DPYD: variants seen among roughly 807,000 people sequenced by gnomAD.
DPYD encodes dihydropyrimidine dehydrogenase, also known as dihydropyrimidine dehydrogenase [NADP(+)].
DPYD carries 109 observed loss-of-function variants against 116.2 expected under a neutral mutation model. That is an observed-to-expected ratio of 0.94 (90% confidence interval 0.80 to 1.10). DPYD has a LOEUF of 1.10. Ranked by LOEUF, DPYD falls within the 50% of genes least tolerant of loss-of-function variation. DPYD has a pLI of 0.00. For missense variants in DPYD, 1,302 were observed against 1,254.5 expected (o/e 1.04, Z -0.57); for synonymous variants, 440 against 432.0 (o/e 1.02, Z -0.23).
intron 20 of DPYD, among the ~76,000 whole-genome samples, chr1:97,107,927 T>C (rs762728323): frequency 9.2e-5 from 14 of 152,074 alleles, no homozygotes; most frequent in Non-Finnish European, 1.3e-4. Flanking sequence ...AGGGAAAATG[T>C]TTCACACAGT....
intron 7 of DPYD, among the ~76,000 whole-genome samples, chr1:97,681,748 T>A (rs1660438149): frequency 6.6e-6 from 1 of 152,150 alleles, no homozygotes; most frequent in South Asian, 2.1e-4. Context: ...CTGTTTGTTT[T>A]ATGAATCAAA....
At chr1:97,876,701 A>G (rs72979780) in intron 2 of DPYD, among the ~76,000 whole-genome samples, 3,008 of 152,070 alleles carry the variant, frequency 0.02, 90 homozygotes, top group African/African-American at 0.065. Context: ...TAGGCAGAGA[A>G]GCCACTGGGT....
intron 8 of DPYD, among the ~76,000 whole-genome samples, chr1:97,606,455 G>C (rs1326300147): frequency 6.6e-6 from 1 of 151,962 alleles, no homozygotes; most frequent in Non-Finnish European, 1.5e-5. Flanking sequence ...ACATTCTAAA[G>C]CTGAGTCTTA....
chr1:97,847,748 T>G (rs1475743215), intron 2 of DPYD, among the ~76,000 whole-genome samples: 1 of 152,086 alleles, frequency 6.6e-6, no homozygotes, highest in African/African-American at 2.4e-5. Flanking sequence ...CTATATACAT[T>G]GTAGGGGTGG....
chr1:97,415,940 T>G (rs1674266760), intron 14 of DPYD, among the ~76,000 whole-genome samples: 1 of 152,202 alleles, frequency 6.6e-6, no homozygotes, highest in Non-Finnish European at 1.5e-5. Flanking sequence ...CTTATAAGTT[T>G]TATTTTCTCG....
chr1:97,477,782 G>A (rs1053109821), intron 13 of DPYD, among the ~76,000 whole-genome samples: 4 of 151,512 alleles, frequency 2.6e-5, no homozygotes, highest in Non-Finnish European at 5.9e-5. Flanking sequence ...CACCGCGCCC[G>A]GCTAATTTTT....
At position 97,207,149 on chromosome 1, in the gene DPYD, A is replaced by T. The variant is rs535029403; in HGVS notation, c.2443-13901T>A. On this transcript the variant is annotated intron_variant, in intron 19 of 22. Coordinates refer to ENST00000370192, the MANE Select transcript of DPYD (RefSeq NM_000110.4). ...GATGAATACATGAAGCAAAATAAAA[A>T]TATTGTAATAGTATCAGTCAGTGAC... Among the ~76,000 whole-genome samples the T allele has an allele frequency of 5.6e-4, 85 of 152,240 alleles. 1 individual carries two copies. The highest frequency in any genetic ancestry group is 2.0e-3 in the African/African-American group (82 of 41,560).
intron 18 of DPYD, among the ~76,000 whole-genome samples, chr1:97,247,387 C>A (rs552468067): frequency 5.9e-5 from 9 of 152,258 alleles, no homozygotes; most frequent in African/African-American, 2.2e-4. Context: ...ATCTGGCAAC[C>A]TCTCTTAACA....
intron 15 of DPYD, among the ~76,000 whole-genome samples, chr1:97,378,224 T>A (rs1295846180): frequency 6.6e-6 from 1 of 152,212 alleles, no homozygotes; most frequent in East Asian, 1.9e-4. Context: ...TGCGTGTCTA[T>A]CTCCTGTGAT....
At chr1:97,639,692 G>T (rs1007478406) in intron 8 of DPYD, among the ~76,000 whole-genome samples, 2 of 152,098 alleles carry the variant, frequency 1.3e-5, no homozygotes, top group African/African-American at 4.8e-5. Context: ...CGTTATAAGG[G>T]TGTGTGTATG....
chr1:97,545,149 C>T (rs1475620977), intron 12 of DPYD, among the ~76,000 whole-genome samples: 1 of 152,080 alleles, frequency 6.6e-6, no homozygotes. Context: ...TTGGTAAATA[C>T]AGCTATGTAC....
In DPYD at chr1:97,205,064, C is replaced by T. The variant is rs61208874; in HGVS notation, c.2443-11816G>A. 1.1e-3 allele frequency among the ~76,000 whole-genome samples: 174 copies of T among 152,108 alleles called. 1 individual carries two copies. The highest frequency in any genetic ancestry group is 4.0e-3 in the African/African-American group (165 of 41,504). On this transcript the variant is annotated intron_variant, in intron 19 of 22. Coordinates refer to ENST00000370192, the MANE Select transcript of DPYD (RefSeq NM_000110.4). ...GGCAGATAGTACATAGAGTTTCATACGCCCACACCACCCCCAAACTCGGCA... is the reference window on the plus strand; with the variant it reads ...GGCAGATAGTACATAGAGTTTCATATGCCCACACCACCCCCAAACTCGGCA...
intron 19 of DPYD, among the ~76,000 whole-genome samples, chr1:97,209,869 A>C (rs1659921130): frequency 6.6e-6 from 1 of 152,166 alleles, no homozygotes; most frequent in Non-Finnish European, 1.5e-5. Context: ...CGTCTTACAA[A>C]CACAGAATTG....
At chr1:97,524,721 C>T (rs542396793) in intron 12 of DPYD, among the ~76,000 whole-genome samples, 13 of 152,228 alleles carry the variant, frequency 8.5e-5, no homozygotes, top group African/African-American at 2.6e-4. Context: ...ATCAAACACC[C>T]CTAGGATGTT....
At chr1:97,265,345 G>C (rs1220359076) in intron 18 of DPYD, 1 of 151,968 alleles carries the variant, frequency 6.6e-6, no homozygotes, top group Non-Finnish European at 1.5e-5. Flanking sequence ...ACCTAGTTTT[G>C]CTATTTTCAT....
chr1:97,576,971 GA>G (rs972962870), intron 10 of DPYD, among the ~76,000 whole-genome samples: 9 of 152,066 alleles, frequency 5.9e-5, no homozygotes, highest in Non-Finnish European at 1.2e-4. Context: ...ATTGTTTAAA[GA>G]AAAAATAGTA....
chr1:97,862,525 C>T (rs1045599323), intron 2 of DPYD, among the ~76,000 whole-genome samples: 1 of 151,886 alleles, frequency 6.6e-6, no homozygotes, highest in Non-Finnish European at 1.5e-5. Flanking sequence ...CAGTCAACAA[C>T]TCTTACTTCT....
chr1:97,585,957 T>TC (rs71071662), intron 10 of DPYD: 200,369 of 212,912 alleles, frequency 0.94, 94,988 homozygotes, highest in Non-Finnish European at 0.99. Context: ...AATTATGTCT[T>TC]CCCTCTTTCC....
At chr1:97,584,944 T>TATAATAATA (rs375682343) in intron 10 of DPYD, among the ~76,000 whole-genome samples, 6,274 of 145,934 alleles carry the variant, frequency 0.043, 314 homozygotes, top group East Asian at 0.27. Context: ...AAACTTAAAG[T>TATAATAATA]ATAATAATAA....
Sources: gnomAD v4.1 joint callset for allele counts (sites outside exome capture counted in the v4.1 genomes callset) on GRCh38, gnomAD v4.1.1 for gene constraint, MANE v1.5 for transcripts, NCBI Gene and HGNC (gene_info 2026-07-23, HGNC 2026-07-21) for gene names.